Variants in RABEP1 observed in about 807,000 individuals in gnomAD.
The protein encoded by RABEP1 is rab GTPase-binding effector protein 1.
Under a neutral mutation model 123.4 loss-of-function variants are expected in RABEP1, and 51 were observed. The observed-to-expected ratio is 0.41, with a 90% CI of 0.33 to 0.52. RABEP1 has a LOEUF of 0.52. RABEP1 is among the 20% of genes least tolerant of loss of function. RABEP1 has a pLI of 0.16. For missense variants in RABEP1, 888 were observed against 996.3 expected (o/e 0.89, Z 1.46); for synonymous variants, 347 against 355.2 (o/e 0.98, Z 0.26).
intron 5 of RABEP1, among the ~76,000 whole-genome samples, chr17:5,345,635 T>C (rs1424741198): frequency 2.0e-5 from 3 of 152,244 alleles, no homozygotes; most frequent in African/African-American, 4.8e-5. Context: ...AAGTATTTCA[T>C]GATAGTTGCA....
chr17:5,339,398 A>G (rs1418807312), intron 5 of RABEP1, among the ~76,000 whole-genome samples: 1 of 152,166 alleles, frequency 6.6e-6, no homozygotes, highest in Non-Finnish European at 1.5e-5. Flanking sequence ...GGTCCCGGCT[A>G]CTTGAGAGGC....
chr17:5,381,784 C>A, intron 17 of RABEP1: 1 of 264,802 alleles, frequency 3.8e-6, no homozygotes, highest in Non-Finnish European at 6.9e-6. Context: ...CAACCAGGCC[C>A]ACCCCTGTAT....
At chr17:5,318,580 G>T (rs2075321202) in intron 2 of RABEP1, among the ~76,000 whole-genome samples, 1 of 152,140 alleles carries the variant, frequency 6.6e-6, no homozygotes, top group Non-Finnish European at 1.5e-5. Flanking sequence ...ATGCCCAGTT[G>T]TGTTTACTGG....
rs536574541 is a variant in RABEP1 at position 5,346,436 on chromosome 17, T to TA, written c.649-348dup. ...TGTCCTTAGAAATTAACTACCGATTTAAAAAAGCAAAACATACCTGGTGTT... is the reference window on the plus strand; with the variant it reads ...TGTCCTTAGAAATTAACTACCGATTTAAAAAAAGCAAAACATACCTGGTGTT... On this transcript the variant is annotated intron_variant, in intron 5 of 17. Coordinates refer to ENST00000537505, the MANE Select transcript of RABEP1 (RefSeq NM_004703.6). 2.5e-4 allele frequency among the ~76,000 whole-genome samples: 38 copies of TA among 152,280 alleles called. No homozygotes were observed. In the South Asian group the frequency reaches 7.9e-3, roughly 32 times the overall value.
At chr17:5,354,630 T>A in intron 8 of RABEP1, 140 bp downstream of exon 8, 1 of 724,760 alleles carries the variant, frequency 1.4e-6, no homozygotes, top group African/African-American at 1.8e-5. Context: ...AAAATGACAG[T>A]ATTTTCAGTT....
At chr17:5,353,666 C>T (rs766390504) in intron 7 of RABEP1, among the ~76,000 whole-genome samples, 6 of 151,838 alleles carry the variant, frequency 4.0e-5, no homozygotes, top group East Asian at 1.9e-4. Context: ...AGGACAACAG[C>T]GTGAGACCCC....
rs1907262216 is a variant in RABEP1, at chr17:5,338,148, C to T, written c.648+10C>T. 2 of 1,604,392 alleles carry T rather than the reference C, an allele frequency of 1.2e-6. No individual in the cohort carries two copies. Among genetic ancestry groups the T allele is most frequent in the African/African-American group, 1.3e-5 (1 of 74,412 alleles). The stretch of plus-strand genomic sequence containing the variant: ...GCTGGAGGCCTCAAAGGTTATGAAA[C>T]ATTGTAATCCATTTGCTTGAAACCC... On this transcript the variant is annotated intron_variant, in intron 5 of 17. Transcript: ENST00000537505.
chr17:5,378,851 C>T (rs956863343), intron 15 of RABEP1, among the ~76,000 whole-genome samples: 6 of 152,188 alleles, frequency 3.9e-5, no homozygotes, highest in Non-Finnish European at 8.8e-5. Context: ...TCAGCAGCTT[C>T]ATGGCTTGCT....
chr17:5,317,119 C>T (rs2075306051), intron 2 of RABEP1, among the ~76,000 whole-genome samples: 1 of 151,970 alleles, frequency 6.6e-6, no homozygotes, highest in African/African-American at 2.4e-5. Context: ...CTAGTGTTAT[C>T]CTGACCTCAA....
chr17:5,309,427 G>A (rs748927681), intron 2 of RABEP1, among the ~76,000 whole-genome samples: 1 of 150,230 alleles, frequency 6.7e-6, no homozygotes, highest in South Asian at 2.1e-4. Context: ...ACGGGCGGGG[G>A]CGGATCACCT....
intron 1 of RABEP1, among the ~76,000 whole-genome samples, chr17:5,294,828 A>G (rs546905378): frequency 1.3e-5 from 2 of 150,732 alleles, no homozygotes; most frequent in African/African-American, 4.9e-5. Flanking sequence ...TTGTATTTTT[A>G]GTAGAGACAG....
At chr17:5,325,642 A>G (rs564183103) in intron 2 of RABEP1, among the ~76,000 whole-genome samples, 31 of 151,828 alleles carry the variant, frequency 2.0e-4, no homozygotes, top group Non-Finnish European at 4.0e-4. Context: ...ACAGTAATCT[A>G]TTCTAGATTT....
chr17:5,344,470 C>A (rs1907893862), intron 5 of RABEP1, among the ~76,000 whole-genome samples: 1 of 151,870 alleles, frequency 6.6e-6, no homozygotes, highest in Non-Finnish European at 1.5e-5. Context: ...ACAGATAATT[C>A]TGAAGAAAAA....
chr17:5,384,798 T>G lies in RABEP1; in HGVS notation c.*1575T>G, dbSNP rs1911808070. 1 of 215,854 alleles carries G rather than the reference T, an allele frequency of 4.6e-6. No homozygotes were observed. Among genetic ancestry groups the G allele is most frequent in the East Asian group, 7.1e-5 (1 of 14,036 alleles). The allele number at this position is 215,854 out of a possible 1,614,324, so 13.4% of individuals were successfully genotyped here. On this transcript the variant is annotated 3_prime_UTR_variant, in exon 18 of 18. Transcript: ENST00000537505. ...TGGTTTAAAGTCCCTTTATAAAGAG[T>G]GCTACATGGTTTAGATAAAGGAAAC... is the stretch of plus-strand genomic sequence containing the variant.
chr17:5,346,923 A>C lies in RABEP1; in HGVS notation c.782A>C (p.Glu261Ala). ...DAEKLRKELH[E>A]VCHLLEQERQ... ...GAGAAACTGCGGAAAGAATTGCATG[A>C]AGGTAAATATACTGTATATTTTTAT... The change falls in exon 6 of 18, where the codon GAA (glutamate) becomes GCA (alanine). Residue 261 changes from glutamate (E) to alanine (A), a missense_variant and splice_region_variant. Transcript: ENST00000537505. 6.2e-7 allele frequency: 1 copy of C among 1,601,176 alleles called. No individual in the cohort carries two copies.
intron 1 of RABEP1, among the ~76,000 whole-genome samples, chr17:5,306,393 C>T (rs1004037283): frequency 2.6e-5 from 4 of 152,062 alleles, no homozygotes; most frequent in Non-Finnish European, 5.9e-5. Context: ...TTTGGGAGGC[C>T]GAGGTGGGTG....
At chr17:5,372,111 A>C (rs1910569378) in intron 12 of RABEP1, among the ~76,000 whole-genome samples, 1 of 151,966 alleles carries the variant, frequency 6.6e-6, no homozygotes, top group Admixed American at 6.6e-5. Flanking sequence ...ATTGTTTTAC[A>C]CATCAACAAG....
chr17:5,373,495 G>A lies in RABEP1; in HGVS notation c.2025+41G>A, dbSNP rs7342926. 2.9e-3 allele frequency: 4,478 copies of A among 1,559,340 alleles called. 101 individuals carry two copies. The African/African-American group carries it at 0.049, about 17-fold the overall frequency. ...CATGATCAAAAATGTCAACAAGTAC[G>A]TTTTCTGAAATGGCCGTATGTTCTT... On this transcript the variant is annotated intron_variant, in intron 13 of 17. Coordinates refer to ENST00000537505, the MANE Select transcript of RABEP1 (RefSeq NM_004703.6).
intron 10 of RABEP1, among the ~76,000 whole-genome samples, chr17:5,363,367 A>G (rs574843606): frequency 3.3e-5 from 5 of 151,928 alleles, no homozygotes; most frequent in South Asian, 4.2e-4. Flanking sequence ...TTACAGGGAC[A>G]CGCCACCACC....
Sources: gnomAD v4.1 joint callset for allele counts (sites outside exome capture counted in the v4.1 genomes callset) on GRCh38, gnomAD v4.1.1 for gene constraint, MANE v1.5 for transcripts, NCBI Gene and HGNC (gene_info 2026-07-23, HGNC 2026-07-21) for gene names.